The following JAK2 variants were observed in gnomAD, a reference collection of about 807,000 sequenced individuals.
The protein encoded by JAK2 is tyrosine-protein kinase JAK2.
In JAK2, 86 loss-of-function variants were observed where a neutral mutation model predicts 139.3. That is an observed-to-expected ratio of 0.62 (90% CI 0.52 to 0.74). The LOEUF is 0.74. Among genes scored for constraint, JAK2 ranks in the 30% least tolerant of loss-of-function variants. JAK2 has a pLI of 0.00. For missense variants in JAK2, 1,421 were observed against 1,360.3 expected, an observed-to-expected ratio of 1.04 and a Z score of -0.70; for synonymous variants, 490 against 437.7, an observed-to-expected ratio of 1.12 and a Z score of -1.49.
chr9:5,042,487 A>G (rs900299495), intron 4 of JAK2, among the ~76,000 whole-genome samples: 2 of 152,144 alleles, frequency 1.3e-5, no homozygotes, highest in African/African-American at 4.8e-5. Flanking sequence ...CTCCAAGAGC[A>G]TTAACTATTT....
chr9:5,038,516 A>G (rs549991281), intron 4 of JAK2, among the ~76,000 whole-genome samples: 41 of 152,222 alleles, frequency 2.7e-4, no homozygotes, highest in Admixed American at 1.2e-3. Flanking sequence ...TCAACAAAAT[A>G]CTTGCAAACC....
At chr9:5,019,093 A>T (rs1822249534) in intron 2 of JAK2, among the ~76,000 whole-genome samples, 1 of 151,988 alleles carries the variant, frequency 6.6e-6, no homozygotes, top group Non-Finnish European at 1.5e-5. Flanking sequence ...TGAATGTCTA[A>T]ATCTCTTGAT....
chr9:5,065,843 C>G (rs1177552782), intron 9 of JAK2, among the ~76,000 whole-genome samples: 2 of 152,016 alleles, frequency 1.3e-5, no homozygotes, highest in Non-Finnish European at 2.9e-5. Flanking sequence ...TTTAACCTAC[C>G]CCTAAATATT....
At chr9:5,015,276 T>C (rs557754472) in intron 2 of JAK2, among the ~76,000 whole-genome samples, 1 of 152,226 alleles carries the variant, frequency 6.6e-6, no homozygotes, top group Non-Finnish European at 1.5e-5. Context: ...ATGAAGTTTG[T>C]AACTAGACGT....
chr9:5,102,139 T>C (rs1438362474), intron 22 of JAK2, among the ~76,000 whole-genome samples: 2 of 152,054 alleles, frequency 1.3e-5, no homozygotes, highest in African/African-American at 4.8e-5. Flanking sequence ...GCTAAAAACC[T>C]TGAAAAAAGA....
At chr9:5,023,442 C>T (rs955502731) in intron 3 of JAK2, among the ~76,000 whole-genome samples, 16 of 152,036 alleles carry the variant, frequency 1.1e-4, no homozygotes, top group Non-Finnish European at 1.6e-4. Context: ...TCGGGGGGAG[C>T]GTGGGACCCA....
At position 5,090,610 on chromosome 9, in the gene JAK2, C is replaced by T. The variant is rs182730648; in HGVS notation, c.2886+40C>T. ...GATTATTTGCTGTAGATGAAGCAAC[C>T]GTGTTGAAGTAGACATTAGGAAATC... On this transcript the variant is annotated intron_variant, in intron 21 of 24. Coordinates refer to ENST00000381652, the MANE Select transcript of JAK2 (RefSeq NM_004972.4). 1.6e-5 allele frequency: 25 copies of T among 1,544,346 alleles called. No homozygotes were observed. The Admixed American group carries it at 2.5e-4, about 15-fold the overall frequency.
At chr9:5,109,271 AATT>A (rs1822236438) in intron 22 of JAK2, 1 of 152,140 alleles carries the variant, frequency 6.6e-6, no homozygotes, top group African/African-American at 2.4e-5. Context: ...TAAATCCTAA[AATT>A]ATTATGGGCT....
chr9:5,025,124 G>A (rs974010730), intron 3 of JAK2, among the ~76,000 whole-genome samples: 2 of 152,066 alleles, frequency 1.3e-5, no homozygotes, highest in African/African-American at 4.8e-5. Context: ...AGTTCATTCT[G>A]ACAGTTTTTA....
intron 2 of JAK2, among the ~76,000 whole-genome samples, chr9:4,988,987 A>C (rs1191831790): frequency 6.6e-6 from 1 of 152,140 alleles, no homozygotes; most frequent in African/African-American, 2.4e-5. Flanking sequence ...TGAGCCTAGA[A>C]TATTGAAAGT....
intron 22 of JAK2, among the ~76,000 whole-genome samples, chr9:5,092,167 C>T (rs1378249207): frequency 6.6e-6 from 1 of 151,994 alleles, no homozygotes; most frequent in Non-Finnish European, 1.5e-5. Flanking sequence ...AAATGGGCCA[C>T]ATTTTCTACC....
At chr9:5,078,790 A>C (rs1216227817) in intron 16 of JAK2, among the ~76,000 whole-genome samples, 2 of 152,136 alleles carry the variant, frequency 1.3e-5, no homozygotes, top group African/African-American at 2.4e-5. Context: ...ACTAAATAAA[A>C]ATTTAGCCTG....
chr9:5,106,149 G>C (rs1362158406), intron 22 of JAK2, among the ~76,000 whole-genome samples: 1 of 152,046 alleles, frequency 6.6e-6, no homozygotes, highest in Admixed American at 6.6e-5. Context: ...GAAAATTTTT[G>C]CAATCTACCC....
chr9:5,073,793 A>C lies in JAK2; in HGVS notation c.1864+8A>C, dbSNP rs1563977889. 1.3e-6 allele frequency: 2 copies of C among 1,558,980 alleles called. No homozygotes were observed. Among genetic ancestry groups the C allele is most frequent in the Non-Finnish European group, 1.8e-6 (2 of 1,132,798 alleles). ...GTGTCTGTGGAGACGAGAGTAAGTA[A>C]AACTACAGGCTTTCTAATGCCTTTC... On this transcript the variant is annotated splice_region_variant and intron_variant, in intron 14 of 24. Transcript: ENST00000381652.
chr9:5,005,935 C>T (rs901232198), intron 2 of JAK2, among the ~76,000 whole-genome samples: 1 of 152,156 alleles, frequency 6.6e-6, no homozygotes, highest in Admixed American at 6.5e-5. Flanking sequence ...CGTGATGCCT[C>T]CAGCTTTGTT....
At chr9:5,024,330 T>G in intron 3 of JAK2, among the ~76,000 whole-genome samples, 1 of 152,210 alleles carries the variant, frequency 6.6e-6, no homozygotes, top group East Asian at 1.9e-4. Flanking sequence ...TAAGATTTTT[T>G]TTTGACAGAT....
At chr9:5,111,443 G>C (rs568664985) in intron 22 of JAK2, 4 of 393,794 alleles carry the variant, frequency 1.0e-5, no homozygotes, top group African/African-American at 8.4e-5. Flanking sequence ...GGTCCCGCCT[G>C]GTCTTCCATC....
chr9:5,058,226 C>G (rs575851290), intron 8 of JAK2, among the ~76,000 whole-genome samples: 1 of 152,164 alleles, frequency 6.6e-6, no homozygotes, highest in East Asian at 1.9e-4. Flanking sequence ...CGTTCTCACA[C>G]TGCTATAAAG....
At chr9:4,997,991 GTTC>G (rs534274664) in intron 2 of JAK2, among the ~76,000 whole-genome samples, 7 of 151,956 alleles carry the variant, frequency 4.6e-5, no homozygotes, top group South Asian at 4.1e-4. Flanking sequence ...AATATTCAGT[GTTC>G]TTCTAGCATG....
Sources: allele counts gnomAD v4.1 joint callset (sites outside exome capture counted in the v4.1 genomes callset), GRCh38; gene constraint gnomAD v4.1.1; transcripts MANE v1.5; gene names NCBI Gene and HGNC (gene_info 2026-07-23, HGNC 2026-07-21).